RAD54L: variants seen among roughly 807,000 people sequenced by gnomAD.
RAD54L encodes DNA repair and recombination protein RAD54-like.
In RAD54L, 74 loss-of-function variants were observed where a neutral mutation model predicts 91.6. The ratio of observed to expected loss-of-function variants is 0.81; its 90% CI spans 0.67 to 0.98. RAD54L has a LOEUF of 0.98. RAD54L is among the 50% of genes least tolerant of loss of function. RAD54L has a pLI of 0.00. For synonymous variants in RAD54L, 304 were observed against 349.7 expected (o/e 0.87, Z 1.46); for missense variants, 887 against 945.7 (o/e 0.94, Z 0.81).
At chr1:46,248,633 G>A in intron 2 of RAD54L, 35 bp downstream of exon 2, 1 of 1,599,468 alleles carries the variant, frequency 6.3e-7, no homozygotes, top group South Asian at 1.1e-5. Flanking sequence ...GGTGGGTAGA[G>A]CTGTTTGGAC....
rs373924965 is a variant in RAD54L, at chr1:46,272,652, G to A, written c.1245-20G>A. ...GGAGGGTGGTCTAGCTTTTTCCACT[G>A]ACCCAGCTGCCTTTTTTAGGCTGAC... On this transcript the variant is annotated intron_variant, in intron 11 of 17. Transcript: ENST00000371975. 15 of 1,614,008 alleles carry A rather than the reference G, an allele frequency of 9.3e-6. No homozygotes were observed. The African/African-American group carries it at 1.7e-4, about 19-fold the overall frequency.
chr1:46,273,502 G>C, intron 13 of RAD54L, 37 bp downstream of exon 13: 1 of 1,610,324 alleles, frequency 6.2e-7, no homozygotes, highest in Non-Finnish European at 8.5e-7. Flanking sequence ...GCTTCTCTAG[G>C]AGGAGGGTGG....
intron 8 of RAD54L, among the ~76,000 whole-genome samples, chr1:46,266,763 T>A (rs1404304057): frequency 6.6e-6 from 1 of 152,038 alleles, no homozygotes; most frequent in Non-Finnish European, 1.5e-5. Flanking sequence ...TAGGCTGATG[T>A]GGAGGGGAGG....
intron 16 of RAD54L, chr1:46,277,553 C>T (rs1408061283): frequency 5.8e-6 from 3 of 515,786 alleles, no homozygotes; most frequent in Admixed American, 3.2e-5. Context: ...CTCAGTTCAC[C>T]CTGACGGGAT....
intron 8 of RAD54L, 147 bp downstream of exon 8, chr1:46,261,532 A>G (rs1250966053): frequency 1.5e-5 from 15 of 973,686 alleles, no homozygotes. Flanking sequence ...AGAGCCTGTG[A>G]TACCAAAATA....
Position 46,274,109 on chromosome 1 carries a change from ATTTTCTT to A in RAD54L, c.1611-28_1611-22del, listed in dbSNP as rs757833155. On this transcript the variant is annotated intron_variant, in intron 14 of 17. Coordinates refer to ENST00000371975, the MANE Select transcript of RAD54L (RefSeq NM_003579.4). ...TTTTCCCCCTAATCATTGAAGCTTT[ATTTTCTT>A]GGGTCTCGAATCCCCCTTCAGGTAC... is the stretch of plus-strand genomic sequence containing the variant. 7 of 1,583,210 alleles carry A rather than the reference ATTTTCTT, an allele frequency of 4.4e-6. No homozygotes were observed. The Admixed American group carries it at 1.2e-4, about 26-fold the overall frequency.
rs765416189 is a variant in RAD54L, at chr1:46,260,890, C to A, written c.641C>A (p.Ala214Glu). The change falls in exon 7 of 18, where the codon GCA (alanine) becomes GAA (glutamate). Residue 214 changes from alanine to glutamate, a missense_variant. Transcript: ENST00000371975. ...GAGTGCAAGCCAGAAATTGACAAGG[C>A]AGTGGTGGTGTCGCCTTCCAGCCTG... ...SPECKPEIDKAVVVSPSSLVK... is the reference protein window; with the variant it reads ...SPECKPEIDKEVVVSPSSLVK... The A allele has an allele frequency of 1.1e-5, 18 of 1,614,196 alleles. No individual in the cohort carries two copies. The highest frequency in any genetic ancestry group is 3.3e-4 in the Middle Eastern group (2 of 6,062).
At chr1:46,267,644 G>T in intron 9 of RAD54L, 35 bp downstream of exon 9, 1 of 1,573,814 alleles carries the variant, frequency 6.4e-7, no homozygotes, top group Non-Finnish European at 8.7e-7. Flanking sequence ...CATCAGAGAG[G>T]AGCCCTGCCT....
chr1:46,250,030 A>T lies in RAD54L; in HGVS notation c.121A>T (p.Thr41Ser), dbSNP rs2148276024. ...TPRKRKSSSE[T>S]QIQECFLSPF... ...TAGGAAACGGAAATCCAGCAGTGAG[A>T]CCCAGATCCAGGAGTGTTTCCTGTC... Residue 41 changes from threonine to serine, a missense_variant, in exon 3 of 18, where the codon ACC becomes TCC. Thr to Ser is a moderately conservative substitution (Grantham distance 58). Coordinates refer to ENST00000371975, the MANE Select transcript of RAD54L (RefSeq NM_003579.4). The T allele has an allele frequency of 6.2e-7, 1 of 1,614,038 alleles. No individual in the cohort carries two copies. The highest frequency in any genetic ancestry group is 8.5e-7 in the Non-Finnish European group (1 of 1,179,920).
chr1:46,267,276 C>G (rs28363229), intron 8 of RAD54L, among the ~76,000 whole-genome samples, 183 bp from the exon 9 acceptor site: 22,790 of 152,168 alleles, frequency 0.15, 2,315 homozygotes, highest in East Asian at 0.37. Flanking sequence ...ACTGGCCAGG[C>G]TGGTCTGGAA....
chr1:46,273,502 G>A (rs993235859), intron 13 of RAD54L, 37 bp downstream of exon 13: 1 of 1,610,324 alleles, frequency 6.2e-7, no homozygotes. Flanking sequence ...GCTTCTCTAG[G>A]AGGAGGGTGG....
chr1:46,272,618 C>T (rs1660466488), intron 11 of RAD54L, 54 bp from the exon 12 acceptor site: 4 of 1,613,766 alleles, frequency 2.5e-6, no homozygotes, highest in Non-Finnish European at 3.4e-6. Flanking sequence ...AAGGTGTTCT[C>T]AGAGGGCAGG....
In RAD54L at chr1:46,260,598, CTCA is replaced by C; in HGVS notation, c.468_470del (p.His156del). Reference sequence around the variant, plus strand: ...CCTATTCTCAGTAAGGTTTTGCGGCCTCATCAGAGAGAGGTAAATGAGGGTGAG... The same window carrying C: ...CCTATTCTCAGTAAGGTTTTGCGGCCTCAGAGAGAGGTAAATGAGGGTGAG... On this transcript the variant is annotated inframe_deletion, in exon 6 of 18. Transcript: ENST00000371975. 6.2e-7 allele frequency: 1 copy of C among 1,614,134 alleles called. No homozygotes were observed. The highest frequency in any genetic ancestry group is 8.5e-7 in the Non-Finnish European group (1 of 1,180,000).
Position 46,250,101 on chromosome 1 carries a change from TC to T in RAD54L, c.193del (p.Leu65TrpfsTer36). 1 of 1,614,216 alleles carries T rather than the reference TC, an allele frequency of 6.2e-7. No individual in the cohort carries two copies. The highest frequency in any genetic ancestry group is 8.5e-7 in the Non-Finnish European group (1 of 1,180,046). ...LSQLTNQPPC[L>X]DSSQHEAFIR... ...GTCAGCTAACCAATCAACCACCTTG[TC>T]TGGACAGCAGTCAGCATGTAAGCCA... On this transcript the variant is annotated frameshift_variant, in exon 3 of 18. Coordinates refer to ENST00000371975, the MANE Select transcript of RAD54L (RefSeq NM_003579.4). LOFTEE classifies it high-confidence loss of function.
chr1:46,250,462 TAATC>T (rs1298677253), intron 3 of RAD54L, among the ~76,000 whole-genome samples: 1 of 152,178 alleles, frequency 6.6e-6, no homozygotes. Flanking sequence ...AAGTCAAACT[TAATC>T]ACCACCATGG....
rs1660095361 is a variant in RAD54L, at chr1:46,260,862, C to G, written c.613C>G (p.Pro205Ala). 5 of 1,614,220 alleles carry G rather than the reference C, an allele frequency of 3.1e-6. No homozygotes were observed. Among genetic ancestry groups the G allele is most frequent in the African/African-American group, 2.7e-5 (2 of 75,058 alleles). ...TLMWTLLRQS[P>A]ECKPEIDKAV... ...GATGTGGACACTTTTACGCCAGAGT[C>G]CAGAGTGCAAGCCAGAAATTGACAA... Residue 205 changes from proline (P) to alanine (A), a missense_variant, in exon 7 of 18, where the codon CCA becomes GCA. Transcript: ENST00000371975.
At chr1:46,268,059 AT>A (rs950497816) in intron 9 of RAD54L, among the ~76,000 whole-genome samples, 2 of 149,088 alleles carry the variant, frequency 1.3e-5, no homozygotes, top group Admixed American at 6.7e-5. Context: ...CCATCTTCAG[AT>A]TTTTTTTTTC....
At chr1:46,269,375 C>T (rs1044607314) in intron 9 of RAD54L, among the ~76,000 whole-genome samples, 4 of 149,982 alleles carry the variant, frequency 2.7e-5, no homozygotes, top group African/African-American at 9.8e-5. Flanking sequence ...GTGGTGAGAT[C>T]ATGGCTCACT....
chr1:46,270,352 C>G (rs1215705895), intron 9 of RAD54L, among the ~76,000 whole-genome samples: 1 of 151,762 alleles, frequency 6.6e-6, no homozygotes. Context: ...CAGAGCAAGA[C>G]TCCATTGCAG....
Sources: gnomAD v4.1 joint callset for allele counts (sites outside exome capture counted in the v4.1 genomes callset) on GRCh38, gnomAD v4.1.1 for gene constraint, MANE v1.5 for transcripts, NCBI Gene and HGNC (gene_info 2026-07-23, HGNC 2026-07-21) for gene names.